Variants in MGRN1 observed in about 807,000 individuals in gnomAD.
MGRN1 encodes E3 ubiquitin-protein ligase MGRN1.
MGRN1 carries 29 observed loss-of-function variants against 69.2 expected under a neutral mutation model. The observed-to-expected ratio is 0.42, with a 90% CI of 0.31 to 0.57. The LOEUF (loss-of-function observed/expected upper bound fraction) is 0.57. Ranked by LOEUF, MGRN1 falls within the 20% of genes least tolerant of loss-of-function variation. MGRN1 has a pLI of 0.15. For synonymous variants in MGRN1, 470 were observed against 344.2 expected (o/e 1.37, Z -4.04); for missense variants, 998 against 796.2 (o/e 1.25, Z -3.05).
chr16:4,639,051 A>C (rs1000621441), intron 1 of MGRN1, among the ~76,000 whole-genome samples: 3 of 152,068 alleles, frequency 2.0e-5, no homozygotes, highest in African/African-American at 7.2e-5. Flanking sequence ...TGAGCAGGTC[A>C]CTCAGCCTCA....
chr16:4,625,589 G>A (rs1294447374), intron 1 of MGRN1, among the ~76,000 whole-genome samples: 3 of 152,170 alleles, frequency 2.0e-5, no homozygotes, highest in African/African-American at 7.2e-5. Context: ...ATCGGGAGGG[G>A]CCAGGGTCCT....
intron 1 of MGRN1, among the ~76,000 whole-genome samples, chr16:4,629,577 A>G (rs905515096): frequency 9.2e-5 from 14 of 151,890 alleles, no homozygotes; most frequent in Non-Finnish European, 5.9e-5. Context: ...CATCTCTACT[A>G]AAAATACAAA....
chr16:4,668,310 A>C lies in MGRN1; in HGVS notation c.724A>C (p.Ile242Leu). The C allele has an allele frequency of 3.7e-6, 6 of 1,613,932 alleles. No individual in the cohort carries two copies. The highest frequency in any genetic ancestry group is 5.1e-6 in the Non-Finnish European group (6 of 1,179,916). The change falls in exon 8 of 17, where the codon ATT becomes CTT. Residue 242 changes from isoleucine to leucine, a missense_variant and splice_region_variant. By Grantham distance (5) the Ile-to-Leu change is conservative. Coordinates refer to ENST00000262370, the MANE Select transcript of MGRN1 (RefSeq NM_015246.4). The stretch of plus-strand genomic sequence containing the variant: ...TGTGAAGCCTTTAAAGCAGAAGCAA[A>C]TTGTAAGTCATCAGAGGAAATATGA... ...FSVKPLKQKQ[I>L]VDRVSYLLQE...
At chr16:4,625,170 C>G in intron 1 of MGRN1, 122 bp downstream of exon 1, 2 of 940,428 alleles carry the variant, frequency 2.1e-6, no homozygotes, top group Non-Finnish European at 1.5e-6. Context: ...TCGTTGCTAC[C>G]CCGAGCCTTC....
intron 4 of MGRN1, among the ~76,000 whole-genome samples, chr16:4,656,558 G>A (rs1421759403): frequency 1.3e-5 from 2 of 152,204 alleles, no homozygotes; most frequent in African/African-American, 4.8e-5. Flanking sequence ...ATTTTGCACT[G>A]TGTATACTTA....
chr16:4,665,193 C>T, intron 7 of MGRN1, 42 bp downstream of exon 7: 5 of 1,608,260 alleles, frequency 3.1e-6, no homozygotes, highest in Non-Finnish European at 4.3e-6. Context: ...GACCTGGGAG[C>T]TGGGCAGGGG....
chr16:4,650,639 C>T (rs957292935), intron 2 of MGRN1, 156 bp downstream of exon 2: 18 of 586,266 alleles, frequency 3.1e-5, no homozygotes, highest in Admixed American at 2.8e-4. Flanking sequence ...GGTGTGGGCA[C>T]GTGCCCTGGA....
chr16:4,670,015 A>AT (rs1298611327), intron 8 of MGRN1, among the ~76,000 whole-genome samples: 1 of 152,052 alleles, frequency 6.6e-6, no homozygotes, highest in East Asian at 1.9e-4. Context: ...CTTGGGAATG[A>AT]TTTTTGTTAG....
At chr16:4,686,190 C>G (rs948518294) in intron 16 of MGRN1, 4 of 1,521,534 alleles carry the variant, frequency 2.6e-6, no homozygotes, top group Non-Finnish European at 3.5e-6. Flanking sequence ...GGTGCCCTTG[C>G]TGTGGCTGTG....
chr16:4,686,225 G>C, intron 16 of MGRN1: 1 of 1,539,246 alleles, frequency 6.5e-7, no homozygotes, highest in East Asian at 2.4e-5. Flanking sequence ...CTTGCTAACC[G>C]AGCTTCCGTC....
intron 16 of MGRN1, 58 bp from the exon 17 acceptor site, chr16:4,688,738 G>T (rs898122546): frequency 6.7e-7 from 1 of 1,501,416 alleles, no homozygotes; most frequent in Non-Finnish European, 9.0e-7. Context: ...CGGTAGGAGC[G>T]GGTGGCGTGG....
At chr16:4,686,116 TGTG>T in intron 16 of MGRN1, 1 of 984,938 alleles carries the variant, frequency 1.0e-6, no homozygotes, top group Non-Finnish European at 1.5e-6. Flanking sequence ...TGGTTCTCCT[TGTG>T]GTTCTCTGTG....
At chr16:4,681,373 A>T in intron 12 of MGRN1, 177 bp from the exon 13 acceptor site, 1 of 608,148 alleles carries the variant, frequency 1.6e-6, no homozygotes, top group Non-Finnish European at 2.8e-6. Flanking sequence ...CCCGTGCTGG[A>T]GCTGATGGCT....
intron 5 of MGRN1, among the ~76,000 whole-genome samples, chr16:4,662,118 C>T (rs1387843896): frequency 6.6e-6 from 1 of 152,194 alleles, no homozygotes; most frequent in Non-Finnish European, 1.5e-5. Context: ...TGACTGCTGT[C>T]TGTGGTCCGC....
In MGRN1 at chr16:4,687,865, C is replaced by A. The variant is rs2079367824; in HGVS notation, c.1619-931C>A. The A allele has an allele frequency of 4.1e-6, 4 of 985,314 alleles. No individual in the cohort carries two copies. The Admixed American group carries it at 2.5e-4, about 61-fold the overall frequency. The allele number at this position is 985,314 out of a possible 1,614,324, so 61.0% of individuals were successfully genotyped here. A position where few individuals can be genotyped will look rare whatever the true frequency, so the allele number is the denominator to read the frequency against. On this transcript the variant is annotated intron_variant, in intron 16 of 16. Coordinates refer to ENST00000262370, the MANE Select transcript of MGRN1 (RefSeq NM_015246.4). ...GCTCTGCATTCCCATGAACCTCTGT[C>A]TTCTTGAGCCCAGCGAGTCCCTCTG...
rs893888156 is a variant in MGRN1 at position 4,690,302 on chromosome 16, C to A, written c.*1394C>A. ...CTGGTGACCCAGGGCTGGATCCACC[C>A]CTGCGGAGCCCTGGGCCAGGCAGGT... On this transcript the variant is annotated 3_prime_UTR_variant, in exon 17 of 17. Transcript: ENST00000262370. The A allele has an allele frequency of 3.3e-5, 5 of 152,062 alleles. No homozygotes were observed. The highest frequency in any genetic ancestry group is 1.2e-4 in the African/African-American group (5 of 41,368). 9.4% of individuals were successfully genotyped at this position (152,062 alleles called of 1,614,324 possible).
At chr16:4,676,635 C>G (rs552401827) in intron 10 of MGRN1, among the ~76,000 whole-genome samples, 2 of 152,292 alleles carry the variant, frequency 1.3e-5, no homozygotes, top group South Asian at 4.1e-4. Context: ...ACGGCAGATG[C>G]ATTGGTTTGT....
chr16:4,632,926 TA>T (rs1663587067), intron 1 of MGRN1, among the ~76,000 whole-genome samples: 1 of 151,876 alleles, frequency 6.6e-6, no homozygotes, highest in Admixed American at 6.6e-5. Flanking sequence ...CTACAAAAAA[TA>T]AAAAAATTAT....
At chr16:4,648,273 A>G (rs779908617) in intron 1 of MGRN1, among the ~76,000 whole-genome samples, 2,605 of 71,308 alleles carry the variant, frequency 0.037, 13 homozygotes, top group Middle Eastern at 0.071. Flanking sequence ...CCTCCCGGGG[A>G]CTCTTCCCGT....
Sources: gnomAD v4.1 joint callset for allele counts (sites outside exome capture counted in the v4.1 genomes callset) on GRCh38, gnomAD v4.1.1 for gene constraint, MANE v1.5 for transcripts, NCBI Gene and HGNC (gene_info 2026-07-23, HGNC 2026-07-21) for gene names.